The following SYTL5 variants were observed in gnomAD, a reference collection of about 807,000 sequenced individuals.
SYTL5 encodes synaptotagmin-like protein 5.
Under a neutral mutation model 55.9 loss-of-function variants are expected in SYTL5, and 34 were observed. That is an observed-to-expected ratio of 0.61 (90% confidence interval 0.46 to 0.81). SYTL5 has a LOEUF of 0.81. SYTL5 is among the 30% of genes least tolerant of loss of function. The probability of loss-of-function intolerance (pLI) is 0.00; values close to 1 mark genes in which losing one functional copy is unlikely to be tolerated. For missense variants in SYTL5, 637 were observed against 546.7 expected (o/e 1.17, Z -1.65); for synonymous variants, 221 against 188.7 (o/e 1.17, Z -1.40).
intron 2 of SYTL5, among the ~76,000 whole-genome samples, chrX:38,036,024 G>C (rs2147212731): frequency 9.0e-6 from 1 of 111,695 alleles, no homozygotes; most frequent in South Asian, 3.8e-4. Flanking sequence ...AATAATTGTT[G>C]GCTGGGCGCA....
At chrX:37,969,300 G>C in the SYTL5 span, among the ~76,000 whole-genome samples, 2 of 111,565 alleles carry the variant, frequency 1.8e-5, no homozygotes, top group African/African-American at 3.3e-5. Flanking sequence ...TTACTGGAGA[G>C]TTTTCAGATT....
intron 10 of SYTL5, among the ~76,000 whole-genome samples, chrX:38,106,387 T>C (rs1376322561): frequency 3.6e-5 from 4 of 112,090 alleles, no homozygotes; most frequent in Non-Finnish European, 7.5e-5. Context: ...CTGCCTTTTT[T>C]CCTGATGGTA....
At chrX:38,073,549 AT>A in intron 4 of SYTL5, 40 bp from the exon 5 acceptor site, 1 of 1,011,726 alleles carries the variant, frequency 9.9e-7, no homozygotes, top group Non-Finnish European at 1.4e-6. Context: ...ATTTCTGGCC[AT>A]TTTGTATGTA....
chrX:38,021,176 A>G (rs917363652), intron 1 of SYTL5, among the ~76,000 whole-genome samples: 3 of 111,839 alleles, frequency 2.7e-5, no homozygotes, highest in Non-Finnish European at 5.6e-5. Context: ...TTTTTGAGGT[A>G]GAGAGCCTAT....
the SYTL5 span, among the ~76,000 whole-genome samples, chrX:37,954,168 G>C: frequency 1.8e-5 from 2 of 111,787 alleles, no homozygotes; most frequent in African/African-American, 6.5e-5. Context: ...TGGAAGGGCA[G>C]TATATTGAGA....
intron 2 of SYTL5, among the ~76,000 whole-genome samples, chrX:38,045,357 G>C (rs1005394126): frequency 4.4e-5 from 5 of 112,440 alleles, no homozygotes; most frequent in Non-Finnish European, 9.4e-5. Context: ...ATAAGGGATT[G>C]GTTAAGTTCT....
the SYTL5 span, among the ~76,000 whole-genome samples, chrX:37,926,631 T>C: frequency 3.6e-5 from 4 of 111,735 alleles, no homozygotes; most frequent in African/African-American, 1.3e-4. Context: ...CACTGCTATA[T>C]TGGATACTGA....
At chrX:38,026,948 C>A (rs903740109) in intron 1 of SYTL5, among the ~76,000 whole-genome samples, 19 of 112,026 alleles carry the variant, frequency 1.7e-4, no homozygotes, top group African/African-American at 5.8e-4. Context: ...GACATTTTCC[C>A]CTTCCCTTTT....
At chrX:38,083,774 A>ATGTGTGTGTGTGTGTGTGTGTG (rs3068306) in intron 6 of SYTL5, among the ~76,000 whole-genome samples, 12 of 94,339 alleles carry the variant, frequency 1.3e-4, no homozygotes, top group African/African-American at 4.9e-4. Flanking sequence ...AAATAGACTC[A>ATGTGTGTGTGTGTGTGTGTGTG]TGTGTGTGTG....
intron 15 of SYTL5, 94 bp downstream of exon 15, chrX:38,122,309 T>C (rs1003387158): frequency 1.0e-5 from 8 of 801,398 alleles, no homozygotes; most frequent in Non-Finnish European, 1.4e-5. Context: ...CCTTCCGTGT[T>C]CTGTTTACTA....
At chrX:38,040,987 G>C (rs759134005) in intron 2 of SYTL5, among the ~76,000 whole-genome samples, 15 of 111,797 alleles carry the variant, frequency 1.3e-4, no homozygotes, top group African/African-American at 4.5e-4. Context: ...AATGTATTTT[G>C]GTTTCTTGTG....
At chrX:37,998,430 T>G in the SYTL5 span, among the ~76,000 whole-genome samples, 3 of 112,021 alleles carry the variant, frequency 2.7e-5, no homozygotes, top group African/African-American at 9.7e-5. Flanking sequence ...TGCCACCATG[T>G]TTCCCGGTGC....
the SYTL5 span, among the ~76,000 whole-genome samples, chrX:37,917,235 T>A: frequency 6.3e-5 from 7 of 111,978 alleles, no homozygotes; most frequent in Non-Finnish European, 1.1e-4. Flanking sequence ...TCCCTTTCCA[T>A]ACTGCATGCC....
At chrX:38,059,553 G>A (rs1386451420) in intron 3 of SYTL5, among the ~76,000 whole-genome samples, 4 of 111,834 alleles carry the variant, frequency 3.6e-5, no homozygotes, top group Non-Finnish European at 7.6e-5. Flanking sequence ...AAACTCATAG[G>A]GAATACTCCT....
At chrX:38,041,174 A>G (rs1212975286) in intron 2 of SYTL5, among the ~76,000 whole-genome samples, 1 of 112,015 alleles carries the variant, frequency 8.9e-6, no homozygotes, top group Non-Finnish European at 1.9e-5. Flanking sequence ...GGGAGCGTGC[A>G]TTCAAATTGC....
intron 2 of SYTL5, among the ~76,000 whole-genome samples, chrX:38,052,065 C>T (rs1935637801): frequency 8.9e-6 from 1 of 112,060 alleles, no homozygotes; most frequent in Non-Finnish European, 1.9e-5. Flanking sequence ...AGGGTTTCTT[C>T]ATGAGAGTGA....
At chrX:38,011,311 C>T (rs1347954347) in intron 1 of SYTL5, among the ~76,000 whole-genome samples, 1 of 112,255 alleles carries the variant, frequency 8.9e-6, no homozygotes, top group Non-Finnish European at 1.9e-5. Flanking sequence ...GCCTCAAATA[C>T]TGATGCTCTC....
At chrX:37,925,708 C>G in the SYTL5 span, among the ~76,000 whole-genome samples, 3 of 110,679 alleles carry the variant, frequency 2.7e-5, no homozygotes, top group Admixed American at 9.7e-5. Flanking sequence ...ACCCATCAGC[C>G]AAGCAGTATG....
chrX:38,067,885 A>G (rs1936142044), intron 3 of SYTL5, among the ~76,000 whole-genome samples: 1 of 111,953 alleles, frequency 8.9e-6, no homozygotes, highest in Non-Finnish European at 1.9e-5. Context: ...TTGGCAAATA[A>G]TTTATTACTA....
Sources: allele counts gnomAD v4.1 joint callset (sites outside exome capture counted in the v4.1 genomes callset), GRCh38; gene constraint gnomAD v4.1.1; transcripts MANE v1.5; gene names NCBI Gene and HGNC (gene_info 2026-07-23, HGNC 2026-07-21).